AKT3: variants seen among roughly 807,000 people sequenced by gnomAD.
AKT3 encodes AKT serine/threonine kinase 3, also known as RAC-gamma serine/threonine-protein kinase.
AKT3 carries 15 observed loss-of-function variants against 65.3 expected under a neutral mutation model. That is an observed-to-expected ratio of 0.23 (90% CI 0.15 to 0.35). The LOEUF (loss-of-function observed/expected upper bound fraction) is 0.35, where lower values mean the gene tolerates loss of function less well. Among genes scored for constraint, AKT3 ranks in the 10% least tolerant of loss-of-function variants. AKT3 has a pLI of 1.00. For synonymous variants in AKT3, 206 were observed against 183.8 expected (o/e 1.12, Z -0.98); for missense variants, 243 against 576.5 (o/e 0.42, Z 5.92).
chr1:243,688,667 G>C (rs1331962380), intron 3 of AKT3, among the ~76,000 whole-genome samples: 2 of 152,146 alleles, frequency 1.3e-5, no homozygotes, highest in Non-Finnish European at 2.9e-5. Context: ...CTGACTCGCA[G>C]CCTGTTTGTT....
chr1:243,542,204 G>C (rs1409377901), intron 12 of AKT3, among the ~76,000 whole-genome samples: 1 of 152,146 alleles, frequency 6.6e-6, no homozygotes, highest in East Asian at 1.9e-4. Flanking sequence ...CATTAATCTA[G>C]ATAAATTCAT....
chr1:243,532,496 T>A lies in AKT3; in HGVS notation c.1251+13014A>T, dbSNP rs144498566. 4.7e-3 allele frequency among the ~76,000 whole-genome samples: 721 copies of A among 152,352 alleles called. 8 individuals carry two copies. Among genetic ancestry groups the A allele is most frequent in the African/African-American group, 0.016 (685 of 41,596 alleles). ...TATACGTTGAACATCCTTGCATTCC[T>A]GGAATAAATCTACTTGGTTAAGGTG... On this transcript the variant is annotated intron_variant, in intron 12 of 13. Coordinates refer to ENST00000673466, the MANE Select transcript of AKT3 (RefSeq NM_005465.7).
At chr1:243,633,426 T>A (rs868593199) in intron 6 of AKT3, among the ~76,000 whole-genome samples, 16 of 152,284 alleles carry the variant, frequency 1.1e-4, no homozygotes, top group Middle Eastern at 3.4e-3. Context: ...AAGAGACTCA[T>A]ACATTAAAAA....
At chr1:243,662,488 T>A (rs1187988036) in intron 4 of AKT3, among the ~76,000 whole-genome samples, 1 of 138,920 alleles carries the variant, frequency 7.2e-6, no homozygotes, top group Non-Finnish European at 1.5e-5. Flanking sequence ...TTCTCACTCA[T>A]AGGTGGGAAC....
At chr1:243,769,000 C>T (rs942348712) in intron 2 of AKT3, among the ~76,000 whole-genome samples, 1 of 104,454 alleles carries the variant, frequency 9.6e-6, no homozygotes, top group Non-Finnish European at 2.7e-5. Context: ...AGCAGTCATT[C>T]TCCATTCCCT....
intron 3 of AKT3, among the ~76,000 whole-genome samples, chr1:243,668,777 A>G (rs1244154456): frequency 6.6e-6 from 1 of 152,200 alleles, no homozygotes; most frequent in Non-Finnish European, 1.5e-5. Context: ...AAGACAGAAA[A>G]GAATAAAGAA....
chr1:243,670,970 A>G (rs919371174), intron 3 of AKT3, among the ~76,000 whole-genome samples: 25 of 152,258 alleles, frequency 1.6e-4, no homozygotes, highest in Non-Finnish European at 4.4e-5. Context: ...TTTAGATTAA[A>G]ATGTTTAAAG....
intron 2 of AKT3, among the ~76,000 whole-genome samples, chr1:243,837,300 T>G (rs1235232449): frequency 6.6e-6 from 1 of 152,172 alleles, no homozygotes; most frequent in African/African-American, 2.4e-5. Context: ...ATGGATAGCC[T>G]TGTATCTAAA....
chr1:243,642,446 A>T (rs1180859763), intron 5 of AKT3, among the ~76,000 whole-genome samples: 2 of 152,220 alleles, frequency 1.3e-5, no homozygotes, highest in African/African-American at 2.4e-5. Context: ...AGTAGCTGGG[A>T]CTACAGGCGC....
At chr1:243,653,638 T>C (rs980283645) in intron 4 of AKT3, among the ~76,000 whole-genome samples, 4 of 152,214 alleles carry the variant, frequency 2.6e-5, no homozygotes, top group African/African-American at 9.6e-5. Context: ...AATGTTATTC[T>C]ATGCCTTAGC....
At chr1:243,492,454 A>AC (rs1158334716) in intron 13 of AKT3, among the ~76,000 whole-genome samples, 2 of 149,490 alleles carry the variant, frequency 1.3e-5, no homozygotes, top group African/African-American at 4.9e-5. Flanking sequence ...GGCACCCACC[A>AC]CCACACCTAG....
At chr1:243,624,385 A>G (rs940964287) in intron 6 of AKT3, among the ~76,000 whole-genome samples, 3 of 152,230 alleles carry the variant, frequency 2.0e-5, no homozygotes, top group Non-Finnish European at 2.9e-5. Flanking sequence ...TTTTCCCCAC[A>G]TGTAAGATTT....
intron 2 of AKT3, among the ~76,000 whole-genome samples, chr1:243,724,500 T>C (rs1429767653): frequency 6.6e-6 from 1 of 152,208 alleles, no homozygotes; most frequent in African/African-American, 2.4e-5. Flanking sequence ...TTTCCTACAT[T>C]ATAAGACTTA....
intron 2 of AKT3, among the ~76,000 whole-genome samples, chr1:243,727,828 T>TA (rs1303575958): frequency 1.3e-5 from 2 of 152,100 alleles, no homozygotes; most frequent in Non-Finnish European, 2.9e-5. Flanking sequence ...AGTATCAAAC[T>TA]AAAAAATTTG....
intron 2 of AKT3, among the ~76,000 whole-genome samples, chr1:243,744,847 G>C (rs895242816): frequency 1.3e-5 from 2 of 151,204 alleles, no homozygotes; most frequent in Non-Finnish European, 2.9e-5. Flanking sequence ...ACTATGTTCA[G>C]TGGTAATTTC....
chr1:243,597,625 C>A (rs1014903962), intron 8 of AKT3, among the ~76,000 whole-genome samples: 2 of 152,128 alleles, frequency 1.3e-5, no homozygotes, highest in Non-Finnish European at 1.5e-5. Context: ...TTCAGTCTCT[C>A]GAGTAGCTGG....
chr1:243,596,949 T>C (rs1006688406), intron 8 of AKT3, among the ~76,000 whole-genome samples: 1 of 152,194 alleles, frequency 6.6e-6, no homozygotes, highest in African/African-American at 2.4e-5. Flanking sequence ...CAAGACAGTA[T>C]ATATTGTATG....
intron 2 of AKT3, among the ~76,000 whole-genome samples, chr1:243,831,251 G>A (rs990017147): frequency 2.0e-5 from 3 of 152,168 alleles, no homozygotes; most frequent in Non-Finnish European, 4.4e-5. Flanking sequence ...AGTTGTATTA[G>A]ACACAGTGCT....
At chr1:243,490,694 A>C (rs1314226901) in intron 13 of AKT3, among the ~76,000 whole-genome samples, 2 of 152,158 alleles carry the variant, frequency 1.3e-5, no homozygotes, top group Non-Finnish European at 2.9e-5. Flanking sequence ...CAGGCTGAGG[A>C]CGTGTGAGGG....
Sources: allele counts gnomAD v4.1 joint callset (sites outside exome capture counted in the v4.1 genomes callset), GRCh38; gene constraint gnomAD v4.1.1; transcripts MANE v1.5; gene names NCBI Gene and HGNC (gene_info 2026-07-23, HGNC 2026-07-21).